Variants in ATP2C2 observed in about 807,000 individuals in gnomAD.
ATP2C2 encodes the protein ATPase secretory pathway Ca2+ transporting 2, also known as calcium-transporting ATPase type 2C member 2.
ATP2C2 carries 171 observed loss-of-function variants against 110.8 expected under a neutral mutation model. The observed-to-expected ratio is 1.54, with a 90% confidence interval of 1.36 to 1.75. ATP2C2 has a LOEUF of 1.75. Among genes scored for constraint, ATP2C2 ranks in the 40% most tolerant of loss-of-function variants. The pLI, the probability that ATP2C2 is intolerant of heterozygous loss-of-function variation, is 0.00. For missense variants in ATP2C2, 1,963 were observed against 1,235.0 expected, an observed-to-expected ratio of 1.59 and a Z score of -8.84; for synonymous variants, 804 against 508.4, an observed-to-expected ratio of 1.58 and a Z score of -7.82.
intron 20 of ATP2C2, 96 bp downstream of exon 20, chr16:84,453,467 G>A: frequency 2.7e-6 from 4 of 1,505,300 alleles, no homozygotes; most frequent in Non-Finnish European, 2.8e-6. Flanking sequence ...TGACAGTGCA[G>A]GGCCCGACCG....
chr16:84,423,680 C>A (rs1301546675), intron 10 of ATP2C2, among the ~76,000 whole-genome samples: 1 of 152,176 alleles, frequency 6.6e-6, no homozygotes, highest in African/African-American at 2.4e-5. Flanking sequence ...AACATGGAGG[C>A]TTGTGGAGGA....
intron 2 of ATP2C2, among the ~76,000 whole-genome samples, chr16:84,399,994 G>A (rs963623513): frequency 6.6e-6 from 1 of 151,650 alleles, no homozygotes; most frequent in African/African-American, 2.4e-5. Flanking sequence ...ACTAATCAGC[G>A]AGAACCTGCA....
intron 1 of ATP2C2, among the ~76,000 whole-genome samples, chr16:84,372,082 C>T (rs562364292): frequency 7.2e-5 from 11 of 151,996 alleles, no homozygotes; most frequent in South Asian, 2.1e-4. Flanking sequence ...GAGGTAGAGG[C>T]GTTGGGGTTG....
chr16:84,451,875 C>T lies in ATP2C2; in HGVS notation c.1661-46C>T, dbSNP rs1597866039. On this transcript the variant is annotated intron_variant, in intron 17 of 26. Coordinates refer to ENST00000262429, the MANE Select transcript of ATP2C2 (RefSeq NM_014861.4). ...AACAACCAACAACAAAAAACGACGG[C>T]CCCTAAGCCCCCGGTGACCCCTCCT... 1.9e-6 allele frequency: 3 copies of T among 1,559,242 alleles called. No individual in the cohort carries two copies. The East Asian group carries it at 6.7e-5, about 35-fold the overall frequency.
chr16:84,453,509 C>A, intron 20 of ATP2C2, 138 bp downstream of exon 20: 1 of 1,191,034 alleles, frequency 8.4e-7, no homozygotes. Context: ...GGGCAGCTGC[C>A]CCGGGAGTTA....
In ATP2C2 at chr16:84,440,171, C is replaced by T. The variant is rs565000443; in HGVS notation, c.1209+647C>T. On this transcript the variant is annotated intron_variant, in intron 13 of 26. Coordinates refer to ENST00000262429, the MANE Select transcript of ATP2C2 (RefSeq NM_014861.4). ...TTTTTAAGCCAGGGTCTTGCTGTGT[C>T]GCCCAGGTTGCAGTGCAGTGGTGCA... 5.8e-4 allele frequency among the ~76,000 whole-genome samples: 88 copies of T among 152,302 alleles called. No homozygotes were observed. In the South Asian group the frequency reaches 0.015, roughly 25 times the overall value.
chr16:84,424,116 C>T (rs763412176), intron 10 of ATP2C2, among the ~76,000 whole-genome samples: 1 of 152,218 alleles, frequency 6.6e-6, no homozygotes. Context: ...AAGCCACTGC[C>T]TATAGCACAT....
At chr16:84,421,066 A>G (rs1907289169) in intron 7 of ATP2C2, among the ~76,000 whole-genome samples, 1 of 152,158 alleles carries the variant, frequency 6.6e-6, no homozygotes, top group African/African-American at 2.4e-5. Context: ...TCGGCCTCCC[A>G]AAGTGCTGGG....
At chr16:84,450,118 G>A (rs554128348) in intron 17 of ATP2C2, among the ~76,000 whole-genome samples, 151 of 152,352 alleles carry the variant, frequency 9.9e-4, no homozygotes, top group African/African-American at 3.4e-3. Flanking sequence ...GGTCAGTGGC[G>A]GAGGAGCAGT....
rs1328742166 is a variant in ATP2C2 at position 84,440,941 on chromosome 16, G to T, written c.1294G>T (p.Val432Leu). 1 of 1,612,436 alleles carries T rather than the reference G, an allele frequency of 6.2e-7. No homozygotes were observed. Among genetic ancestry groups the T allele is most frequent in the East Asian group, 2.2e-5 (1 of 44,866 alleles). The change falls in exon 14 of 27, where the codon GTG (valine) becomes TTG (leucine). Residue 432 changes from valine (V) to leucine (L), a missense_variant. Physicochemically the swap from Val to Leu is conservative, Grantham distance 32. Transcript: ENST00000262429. ...CATTAAGGAATTTTCCAATGTCTCA[G>T]TGGGAAAGTTAGTGGAGGTAGGTGT... Reference protein sequence around the residue: ...EVIKEFSNVSVGKLVEAGCVA... With the variant: ...EVIKEFSNVSLGKLVEAGCVA...
intron 21 of ATP2C2, 83 bp downstream of exon 21, chr16:84,455,067 T>TTG: frequency 1.1e-5 from 11 of 974,038 alleles, no homozygotes; most frequent in South Asian, 1.5e-5. Flanking sequence ...ACTGTGGAGA[T>TTG]AGAGGGGGGG....
intron 2 of ATP2C2, among the ~76,000 whole-genome samples, chr16:84,403,342 G>GGAAATGAGCCTC (rs1905466575): frequency 6.6e-6 from 1 of 152,096 alleles, no homozygotes; most frequent in Non-Finnish European, 1.5e-5. Flanking sequence ...GTCTCATTCT[G>GGAAATGAGCCTC]TTGCCCAGGC....
chr16:84,442,691 G>T, intron 15 of ATP2C2, 92 bp downstream of exon 15: 7 of 1,257,764 alleles, frequency 5.6e-6, no homozygotes, highest in Non-Finnish European at 8.1e-6. Context: ...GCTAACAGGA[G>T]TGGGGACGTT....
chr16:84,450,539 T>A (rs560965850), intron 17 of ATP2C2, among the ~76,000 whole-genome samples: 173 of 152,172 alleles, frequency 1.1e-3, no homozygotes, highest in African/African-American at 4.0e-3. Context: ...AAGCAGGGGA[T>A]GCTCCTGGGT....
At position 84,463,647 on chromosome 16, in the gene ATP2C2, T is replaced by A; in HGVS notation, c.2756T>A (p.Val919Asp). The A allele has an allele frequency of 6.2e-7, 1 of 1,614,210 alleles. No homozygotes were observed. The highest frequency in any genetic ancestry group is 8.5e-7 in the Non-Finnish European group (1 of 1,180,030). The part of the protein sequence containing the change: ...LLFLTGLASS[V>D]FILSELLKLC... ...TTTTTAACTGGATTGGCCTCATCCG[T>A]CTTCATTTTGTCAGAGCTCCTCAAA... The change falls in exon 27 of 27, where the codon GTC (valine) becomes GAC (aspartate). Residue 919 changes from valine (V) to aspartate (D), a missense_variant. Physicochemically the swap from Val to Asp is radical, Grantham distance 152 (BLOSUM62 -3). Transcript: ENST00000262429.
intron 10 of ATP2C2, 70 bp from the exon 11 acceptor site, chr16:84,425,665 G>A (rs1269060488): frequency 1.3e-6 from 2 of 1,542,878 alleles, no homozygotes; most frequent in African/African-American, 1.4e-5. Context: ...AAGGAAGTGA[G>A]TTTGAATCCC....
rs369342944 is a variant in ATP2C2 at position 84,462,143 on chromosome 16, A to T, written c.2722+14A>T. The T allele has an allele frequency of 9.9e-5, 160 of 1,608,260 alleles. 1 individual carries two copies. The African/African-American group carries it at 1.9e-3, about 19-fold the overall frequency. On this transcript the variant is annotated intron_variant, in intron 26 of 26. Coordinates refer to ENST00000262429, the MANE Select transcript of ATP2C2 (RefSeq NM_014861.4). ...TGGGAGCGCTTGGTGAGTGGTGGGG[A>T]CGGGAACGACAGGTGACCTCGACCA...
intron 23 of ATP2C2, 39 bp from the exon 24 acceptor site, chr16:84,460,615 C>G: frequency 6.2e-7 from 1 of 1,613,884 alleles, no homozygotes; most frequent in South Asian, 1.1e-5. Context: ...TATTTCATTC[C>G]TGGTTCATTT....
intron 6 of ATP2C2, among the ~76,000 whole-genome samples, chr16:84,415,231 C>G (rs1007900851): frequency 3.9e-5 from 6 of 152,256 alleles, no homozygotes; most frequent in African/African-American, 1.4e-4. Flanking sequence ...ATGTGGCCCA[C>G]GTGGTTTCCA....
Sources: allele counts gnomAD v4.1 joint callset (sites outside exome capture counted in the v4.1 genomes callset), GRCh38; gene constraint gnomAD v4.1.1; transcripts MANE v1.5; gene names NCBI Gene and HGNC (gene_info 2026-07-23, HGNC 2026-07-21).